Variants in ZNF280D observed in about 807,000 individuals in gnomAD.
The protein encoded by ZNF280D is suppressor of hairy wing homolog 4.
In ZNF280D, 39 loss-of-function variants were observed where a neutral mutation model predicts 94.7. The observed-to-expected ratio is 0.41, with a 90% CI of 0.32 to 0.54. ZNF280D has a LOEUF of 0.54. Ranked by LOEUF, ZNF280D falls within the 20% of genes least tolerant of loss-of-function variation. The pLI is 0.22. For synonymous variants in ZNF280D, 398 were observed against 377.6 expected, an observed-to-expected ratio of 1.05 and a Z score of -0.63; for missense variants, 1,090 against 1,149.3, an observed-to-expected ratio of 0.95 and a Z score of 0.75.
intron 6 of ZNF280D, among the ~76,000 whole-genome samples, chr15:56,694,005 G>C (rs2056579158): frequency 1.3e-5 from 2 of 152,102 alleles, no homozygotes; most frequent in South Asian, 4.2e-4. Context: ...GTTTAGAACA[G>C]AAGTTGTTTA....
rs944374426 is a variant in ZNF280D at position 56,717,203 on chromosome 15, G to C, written c.-85-9897C>G. ...AAAAGCACAAGAATAAAGATTGGAG[G>C]AAGAATGGTTTTCCAAAGGAAAACC... On this transcript the variant is annotated intron_variant, in intron 1 of 21. Coordinates refer to ENST00000267807, the MANE Select transcript of ZNF280D (RefSeq NM_017661.4). 4.6e-5 allele frequency among the ~76,000 whole-genome samples: 7 copies of C among 152,272 alleles called. No homozygotes were observed. In the South Asian group the frequency reaches 1.5e-3, roughly 32 times the overall value.
intron 17 of ZNF280D, among the ~76,000 whole-genome samples, chr15:56,656,960 C>A (rs532399512): frequency 6.6e-6 from 1 of 152,214 alleles, no homozygotes; most frequent in South Asian, 2.1e-4. Flanking sequence ...GCTAACCATA[C>A]AATATCTGGG....
intron 1 of ZNF280D, among the ~76,000 whole-genome samples, chr15:56,721,874 T>C (rs2058385968): frequency 6.6e-6 from 1 of 152,210 alleles, no homozygotes. Flanking sequence ...TCCTTCGCAA[T>C]CACAACTTGA....
At chr15:56,663,471 G>A (rs989395901) in intron 16 of ZNF280D, among the ~76,000 whole-genome samples, 16 of 151,944 alleles carry the variant, frequency 1.1e-4, no homozygotes, top group African/African-American at 3.9e-4. Context: ...AGAAAATCAG[G>A]CTTCTGTATA....
chr15:56,666,835 T>G lies in ZNF280D; in HGVS notation c.1697A>C (p.Asn566Thr), dbSNP rs1250301225. ...TTTACTTGCGTTGGATTTGACTGTA[T>G]TAGGTTTACTTGTATTAGATTTTGC... Reference protein sequence around the residue: ...NPAKSNTSKPNTVKSNASKPN... With the variant: ...NPAKSNTSKPTTVKSNASKPN... The change falls in exon 15 of 22, where the codon AAT (asparagine) becomes ACT (threonine). Residue 566 changes from asparagine to threonine, a missense_variant. Around this residue, in one of 3 missense-constraint regions of ZNF280D, gnomAD observed 577 missense variants for 568.8 expected, o/e 1.01. Coordinates refer to ENST00000267807, the MANE Select transcript of ZNF280D (RefSeq NM_017661.4). 1 of 1,613,964 alleles carries G rather than the reference T, an allele frequency of 6.2e-7. No homozygotes were observed. Among genetic ancestry groups the G allele is most frequent in the South Asian group, 1.1e-5 (1 of 91,076 alleles).
chr15:56,666,843 A>G lies in ZNF280D; in HGVS notation c.1689T>C (p.Ser563=), dbSNP rs1566954746. 6.2e-7 allele frequency: 1 copy of G among 1,613,790 alleles called. No individual in the cohort carries two copies. The highest frequency in any genetic ancestry group is 2.2e-5 in the East Asian group (1 of 44,814). ...TAKNPAKSNT[S]KPNTVKSNAS... is the part of the protein sequence containing the mutation. ...CGTTGGATTTGACTGTATTAGGTTT[A>G]CTTGTATTAGATTTTGCAGGATTTT... is the stretch of plus-strand genomic sequence containing the variant. The change falls in exon 15 of 22, where the codon AGT becomes AGC. Residue 563 remains serine (S), a synonymous_variant. Coordinates refer to ENST00000267807, the MANE Select transcript of ZNF280D (RefSeq NM_017661.4).
In ZNF280D at chr15:56,662,304, A is replaced by T. The variant is rs2053994066; in HGVS notation, c.1995-3818T>A. Among the ~76,000 whole-genome samples the T allele has an allele frequency of 3.3e-5, 5 of 152,196 alleles. No individual in the cohort carries two copies. In the South Asian group the frequency reaches 1.0e-3, roughly 31 times the overall value. ...TAAAAAATGCTGCTTAAAAAAAATTAAAAATTACACATTTAATGATGCTTT... is the reference window on the plus strand; with the variant it reads ...TAAAAAATGCTGCTTAAAAAAAATTTAAAATTACACATTTAATGATGCTTT... On this transcript the variant is annotated intron_variant, in intron 16 of 21. Transcript: ENST00000267807.
At position 56,668,963 on chromosome 15, in the gene ZNF280D, T is replaced by A; in HGVS notation, c.1411-6A>T. Reference sequence around the variant, plus strand: ...CAACGATGTATTCCTTTTTTCTGTTTAGAAAAAAACAGAAAAAGGGGGAAA... The same window carrying A: ...CAACGATGTATTCCTTTTTTCTGTTAAGAAAAAAACAGAAAAAGGGGGAAA... On this transcript the variant is annotated splice_polypyrimidine_tract_variant and splice_region_variant and intron_variant, in intron 13 of 21. Transcript: ENST00000267807. 1.3e-6 allele frequency: 2 copies of A among 1,598,756 alleles called. No individual in the cohort carries two copies. The highest frequency in any genetic ancestry group is 1.7e-6 in the Non-Finnish European group (2 of 1,175,244).
chr15:56,706,347 G>A (rs147927561), intron 3 of ZNF280D, among the ~76,000 whole-genome samples: 78 of 151,322 alleles, frequency 5.2e-4, no homozygotes, highest in African/African-American at 1.8e-3. Flanking sequence ...GCGTGGTGGC[G>A]AGTAACTGTA....
At chr15:56,710,748 C>T (rs1238072351) in intron 1 of ZNF280D, among the ~76,000 whole-genome samples, 3 of 151,870 alleles carry the variant, frequency 2.0e-5, no homozygotes, top group East Asian at 1.9e-4. Flanking sequence ...AGATATCACC[C>T]GATGTACTGC....
At position 56,635,238 on chromosome 15, in the gene ZNF280D, G is replaced by T; in HGVS notation, c.2272C>A (p.Pro758Thr). 1 of 1,529,532 alleles carries T rather than the reference G, an allele frequency of 6.5e-7. No individual in the cohort carries two copies. The highest frequency in any genetic ancestry group is 8.8e-7 in the Non-Finnish European group (1 of 1,140,846). 94.7% of individuals were successfully genotyped at this position (1,529,532 alleles called of 1,614,324 possible). A position where few individuals can be genotyped will look rare whatever the true frequency, so the allele number is the denominator to read the frequency against. ...TCTGTTTCTCTTTCAGCCATGTTAG[G>T]TCTTGCAATTTCCTGAAATAATTAA... ...QEPVSKEIAR[P>T]NMAERETETS... Residue 758 changes from proline (P) to threonine (T), a missense_variant, in exon 21 of 22, where the codon CCT (proline) becomes ACT (threonine). Coordinates refer to ENST00000267807, the MANE Select transcript of ZNF280D (RefSeq NM_017661.4).
intron 5 of ZNF280D, 26 bp from the exon 6 acceptor site, chr15:56,701,098 T>C (rs2057038145): frequency 6.2e-7 from 1 of 1,612,872 alleles, no homozygotes; most frequent in Admixed American, 1.7e-5. Flanking sequence ...ACACAATATA[T>C]GGAAATTATT....
chr15:56,681,324 T>C (rs530713040), intron 10 of ZNF280D, among the ~76,000 whole-genome samples: 7 of 152,288 alleles, frequency 4.6e-5, no homozygotes, highest in Non-Finnish European at 8.8e-5. Flanking sequence ...GGCATACATA[T>C]ATGTATATGC....
intron 1 of ZNF280D, among the ~76,000 whole-genome samples, chr15:56,721,324 T>C (rs1288719224): frequency 2.0e-5 from 3 of 152,286 alleles, no homozygotes; most frequent in Non-Finnish European, 4.4e-5. Flanking sequence ...AAATGAGTAC[T>C]GGCTTCAACT....
Position 56,653,839 on chromosome 15 carries a change from A to G in ZNF280D, c.2213+359T>C, listed in dbSNP as rs1339806200. 9.9e-6 allele frequency: 12 copies of G among 1,217,256 alleles called. No individual in the cohort carries two copies. In the South Asian group the frequency reaches 1.2e-4, roughly 13 times the overall value. The allele number at this position is 1,217,256 out of a possible 1,614,324, so 75.4% of individuals were successfully genotyped here. ...TATTTTTAGACAGCGCAAACTGGAG[A>G]AAAAAAAATATGTTAAGATATGTCA... On this transcript the variant is annotated intron_variant, in intron 19 of 21. Coordinates refer to ENST00000267807, the MANE Select transcript of ZNF280D (RefSeq NM_017661.4).
Position 56,666,701 on chromosome 15 carries a change from T to C in ZNF280D, c.1831A>G (p.Asn611Asp). 6.2e-7 allele frequency: 1 copy of C among 1,609,370 alleles called. No homozygotes were observed. Among genetic ancestry groups the C allele is most frequent in the Non-Finnish European group, 8.5e-7 (1 of 1,178,734 alleles). The change falls in exon 15 of 22, where the codon AAT (asparagine) becomes GAT (aspartate). Residue 611 changes from asparagine to aspartate, a missense_variant. Asn to Asp is a conservative substitution (Grantham distance 23). This residue lies in a region of ZNF280D where 577 missense variants were observed against 568.8 expected (regional missense o/e 1.01). Transcript: ENST00000267807. ...LASSNKKSKV[N>D]TALRNLRYRR... ...TACCTTAAATTCCTCAATGCTGTAT[T>C]GACTTTACTTTTTTTATTGCTACTA...
intron 16 of ZNF280D, among the ~76,000 whole-genome samples, chr15:56,662,693 C>T (rs1333635252): frequency 1.3e-5 from 2 of 151,430 alleles, no homozygotes. Context: ...GGCATGTTGG[C>T]GGCACCTGTA....
chr15:56,696,534 T>C (rs7171500), intron 6 of ZNF280D, among the ~76,000 whole-genome samples: 3 of 152,066 alleles, frequency 2.0e-5, no homozygotes, highest in Non-Finnish European at 4.4e-5. Flanking sequence ...TTAAGCTATA[T>C]CACATTGACT....
chr15:56,666,651 A>C, intron 15 of ZNF280D, 28 bp downstream of exon 15: 1 of 1,544,458 alleles, frequency 6.5e-7, no homozygotes, highest in South Asian at 1.2e-5. Context: ...AGTTTAAATT[A>C]TATTGTATAT....
Sources: allele counts gnomAD v4.1 joint callset (sites outside exome capture counted in the v4.1 genomes callset), GRCh38; gene constraint gnomAD v4.1.1; regional missense constraint gnomAD v4.1.1; transcripts MANE v1.5; gene names NCBI Gene and HGNC (gene_info 2026-07-23, HGNC 2026-07-21).